Variants in KSR2 observed in about 807,000 individuals in gnomAD.
KSR2 encodes the protein kinase suppressor of ras 2.
Under a neutral mutation model 107.8 loss-of-function variants are expected in KSR2, and 25 were observed. The observed-to-expected ratio is 0.23, with a 90% confidence interval of 0.17 to 0.32. The LOEUF is 0.32. KSR2 is among the 10% of genes least tolerant of loss of function. The pLI is 1.00. For synonymous variants in KSR2, 480 were observed against 507.0 expected (o/e 0.95, Z 0.71); for missense variants, 887 against 1,268.9 (o/e 0.70, Z 4.57).
intron 3 of KSR2, among the ~76,000 whole-genome samples, chr12:117,790,993 AC>A (rs1890230885): frequency 6.6e-6 from 1 of 152,000 alleles, no homozygotes; most frequent in East Asian, 1.9e-4. Context: ...CATGTATCAG[AC>A]CTTCACTCCC....
chr12:117,557,438 A>T (rs1232367179), intron 8 of KSR2, among the ~76,000 whole-genome samples: 1 of 152,184 alleles, frequency 6.6e-6, no homozygotes, highest in Non-Finnish European at 1.5e-5. Flanking sequence ...GTGCATAGGA[A>T]TTCCCTGCAG....
intron 1 of KSR2, among the ~76,000 whole-genome samples, chr12:117,952,180 C>CAT (rs1896383109): frequency 6.6e-6 from 1 of 151,678 alleles, no homozygotes; most frequent in Non-Finnish European, 1.5e-5. Context: ...CACACACACA[C>CAT]ACACATACAC....
chr12:117,710,662 G>A (rs1886731541), intron 4 of KSR2, among the ~76,000 whole-genome samples: 1 of 152,156 alleles, frequency 6.6e-6, no homozygotes, highest in South Asian at 2.1e-4. Context: ...GGTGCCTTGA[G>A]AATAATCATA....
chr12:117,689,315 T>G (rs1885720208), intron 4 of KSR2, among the ~76,000 whole-genome samples: 1 of 152,152 alleles, frequency 6.6e-6, no homozygotes, highest in Non-Finnish European at 1.5e-5. Context: ...AGAGATGTCT[T>G]AATAAGAGAG....
intron 3 of KSR2, among the ~76,000 whole-genome samples, chr12:117,802,988 T>C (rs10850903): frequency 0.34 from 51,000 of 152,188 alleles, 9,312 homozygotes; most frequent in Admixed American, 0.5. Flanking sequence ...CTGGAATTGA[T>C]AAATTGCCCA....
At chr12:117,700,915 A>G (rs1445333046) in intron 4 of KSR2, among the ~76,000 whole-genome samples, 1 of 152,168 alleles carries the variant, frequency 6.6e-6, no homozygotes, top group African/African-American at 2.4e-5. Context: ...TGTATTTCCT[A>G]AGTATTTCTA....
chr12:117,494,818 G>A (rs1241356020), intron 14 of KSR2, among the ~76,000 whole-genome samples: 2 of 152,204 alleles, frequency 1.3e-5, no homozygotes, highest in African/African-American at 4.8e-5. Context: ...ACTCTGGGGA[G>A]GTAATCTTTA....
At chr12:117,871,717 G>C (rs200642930) in intron 1 of KSR2, among the ~76,000 whole-genome samples, 3 of 105,450 alleles carry the variant, frequency 2.8e-5, no homozygotes, top group African/African-American at 1.1e-4. Flanking sequence ...TTTGCACACA[G>C]AGAGAGAGAA....
intron 1 of KSR2, among the ~76,000 whole-genome samples, chr12:117,933,339 C>T (rs2137505411): frequency 6.6e-6 from 1 of 152,116 alleles, no homozygotes; most frequent in Non-Finnish European, 1.5e-5. Flanking sequence ...GCCTGTAATC[C>T]CAAAACTTTG....
chr12:117,679,316 A>G (rs1593122904), intron 4 of KSR2, among the ~76,000 whole-genome samples: 1 of 152,204 alleles, frequency 6.6e-6, no homozygotes, highest in African/African-American at 2.4e-5. Flanking sequence ...GGTCCTCACA[A>G]CAACCCTACA....
At chr12:117,499,260 G>A (rs145658047) in intron 14 of KSR2, among the ~76,000 whole-genome samples, 2 of 152,224 alleles carry the variant, frequency 1.3e-5, no homozygotes, top group Admixed American at 1.3e-4. Flanking sequence ...AAAATCCAGG[G>A]AGAGGATAGC....
intron 4 of KSR2, among the ~76,000 whole-genome samples, chr12:117,698,759 C>T (rs1045904344): frequency 1.3e-5 from 2 of 152,202 alleles, no homozygotes; most frequent in African/African-American, 4.8e-5. Context: ...CATGTTCCAT[C>T]CACTCGTCAG....
At position 117,907,006 on chromosome 12, in the gene KSR2, C is replaced by T. The variant is rs959797193; in HGVS notation, c.181-46575G>A. On this transcript the variant is annotated intron_variant, in intron 1 of 19. Transcript: ENST00000339824. This position sits in a 1 kb window ranked among gnomAD's most constrained non-coding sequence, Gnocchi z 4.3. ...CTGCACTCCAGCCTGGGTGACAGAG[C>T]GAGACCCTGTCCAAAAAGATCCAAA... Among the ~76,000 whole-genome samples, 3 of 152,082 alleles carry T rather than the reference C, an allele frequency of 2.0e-5. No individual in the cohort carries two copies. The highest frequency in any genetic ancestry group is 7.2e-5 in the African/African-American group (3 of 41,412).
intron 4 of KSR2, among the ~76,000 whole-genome samples, chr12:117,669,935 T>G (rs951382205): frequency 6.9e-6 from 1 of 144,992 alleles, no homozygotes; most frequent in African/African-American, 2.7e-5. Context: ...TAGCAATTAT[T>G]CACAGTCTGT....
At chr12:117,734,767 T>TGGATGGATGGAC (rs1188732807) in intron 4 of KSR2, among the ~76,000 whole-genome samples, 196 of 151,948 alleles carry the variant, frequency 1.3e-3, no homozygotes, top group Non-Finnish European at 2.1e-3. Flanking sequence ...GATGGATGGA[T>TGGATGGATGGAC]GGATGGATGG....
chr12:117,664,030 C>T (rs78269209), intron 5 of KSR2, among the ~76,000 whole-genome samples: 2,321 of 152,322 alleles, frequency 0.015, 68 homozygotes, highest in African/African-American at 0.053. Context: ...CCATGGTGAA[C>T]AGAAGCGTCT....
At chr12:117,764,686 A>T (rs927004155) in intron 3 of KSR2, among the ~76,000 whole-genome samples, 3 of 152,224 alleles carry the variant, frequency 2.0e-5, no homozygotes, top group African/African-American at 7.2e-5. Context: ...CATACACATT[A>T]GCCCAGTGAG....
intron 1 of KSR2, among the ~76,000 whole-genome samples, chr12:117,924,425 A>G (rs915572168): frequency 1.3e-5 from 2 of 150,912 alleles, no homozygotes; most frequent in Admixed American, 1.3e-4. Flanking sequence ...AAAAAAATTT[A>G]GCTGGGCATG....
chr12:117,927,082 A>G (rs926205393), intron 1 of KSR2, among the ~76,000 whole-genome samples: 5 of 152,184 alleles, frequency 3.3e-5, no homozygotes, highest in Non-Finnish European at 5.9e-5. Context: ...TTTTAAAAAA[A>G]GGACCATGGC....
Sources: allele counts gnomAD v4.1 joint callset (sites outside exome capture counted in the v4.1 genomes callset), GRCh38; gene constraint gnomAD v4.1.1; non-coding constraint Gnocchi (gnomAD v3.1); transcripts MANE v1.5; gene names NCBI Gene and HGNC (gene_info 2026-07-23, HGNC 2026-07-21).